Variants in IMMP2L observed in about 807,000 individuals in gnomAD.
IMMP2L encodes the protein mitochondrial inner membrane protease subunit 2.
A neutral mutation model predicts 19.3 loss-of-function variants in IMMP2L; 18 were observed. That is an observed-to-expected ratio of 0.93 (90% CI 0.64 to 1.38). The LOEUF (loss-of-function observed/expected upper bound fraction) is 1.38. IMMP2L is among the 40% of genes most tolerant of loss of function. The probability of loss-of-function intolerance (pLI) is 0.00; values close to 1 mark genes in which losing one functional copy is unlikely to be tolerated. For synonymous variants in IMMP2L, 76 were observed against 73.0 expected (o/e 1.04, Z -0.21); for missense variants, 233 against 218.2 (o/e 1.07, Z -0.43).
At chr7:111,373,134 T>C (rs1186533582) in intron 3 of IMMP2L, among the ~76,000 whole-genome samples, 6 of 147,102 alleles carry the variant, frequency 4.1e-5, no homozygotes, top group African/African-American at 7.4e-5. Flanking sequence ...AAAAAAAAAC[T>C]GTAGAGAGAA....
chr7:110,696,706 G>A (rs1023200813), intron 5 of IMMP2L, among the ~76,000 whole-genome samples: 1 of 152,106 alleles, frequency 6.6e-6, no homozygotes, highest in African/African-American at 2.4e-5. Context: ...GATTATAGGC[G>A]TGAGCCACTG....
chr7:111,523,043 C>T (rs370781219), intron 1 of IMMP2L, among the ~76,000 whole-genome samples: 24 of 151,292 alleles, frequency 1.6e-4, no homozygotes, highest in African/African-American at 4.6e-4. Flanking sequence ...CAATATTGCA[C>T]GACCACTCAT....
At chr7:111,442,881 G>A (rs1489412476) in intron 3 of IMMP2L, among the ~76,000 whole-genome samples, 1 of 151,778 alleles carries the variant, frequency 6.6e-6, no homozygotes, top group Non-Finnish European at 1.5e-5. Context: ...AATCCAAATT[G>A]AGCTGGTTTG....
At chr7:111,226,917 T>C (rs897323186) in intron 3 of IMMP2L, among the ~76,000 whole-genome samples, 5 of 151,972 alleles carry the variant, frequency 3.3e-5, no homozygotes, top group Non-Finnish European at 7.4e-5. Context: ...CATGAGCAAA[T>C]TTATTGTTCA....
intron 3 of IMMP2L, among the ~76,000 whole-genome samples, chr7:111,139,531 AT>A (rs1802669051): frequency 6.6e-6 from 1 of 152,154 alleles, no homozygotes; most frequent in African/African-American, 2.4e-5. Flanking sequence ...AAGGAAAGAG[AT>A]TTTTTAAAAA....
intron 3 of IMMP2L, among the ~76,000 whole-genome samples, chr7:111,051,540 T>G (rs1184438001): frequency 6.6e-6 from 1 of 152,214 alleles, no homozygotes; most frequent in Non-Finnish European, 1.5e-5. Flanking sequence ...GCTGCTTATG[T>G]CAGTTCAAAA....
At chr7:110,735,605 G>C (rs1796563238) in intron 5 of IMMP2L, among the ~76,000 whole-genome samples, 1 of 146,742 alleles carries the variant, frequency 6.8e-6, no homozygotes, top group Non-Finnish European at 1.5e-5. Context: ...GGACAGCCTG[G>C]GCAACATGGC....
chr7:111,129,330 C>A (rs1801625583), intron 3 of IMMP2L, among the ~76,000 whole-genome samples: 1 of 151,728 alleles, frequency 6.6e-6, no homozygotes, highest in South Asian at 2.1e-4. Flanking sequence ...TTTGATCCAA[C>A]CTTTTTCCTC....
chr7:111,261,730 G>C (rs1334406938), intron 3 of IMMP2L, among the ~76,000 whole-genome samples: 1 of 152,122 alleles, frequency 6.6e-6, no homozygotes, highest in Non-Finnish European at 1.5e-5. Flanking sequence ...TAGTTATTCA[G>C]ATGATTCAGA....
chr7:111,051,647 C>G (rs1198210894), intron 3 of IMMP2L, among the ~76,000 whole-genome samples: 2 of 151,964 alleles, frequency 1.3e-5, no homozygotes, highest in Non-Finnish European at 2.9e-5. Context: ...AAGTTGTTGT[C>G]TAAAAAAACA....
chr7:111,498,188 T>G lies in IMMP2L; in HGVS notation c.136-10847A>C, dbSNP rs564423884. Among the ~76,000 whole-genome samples, 121 of 152,248 alleles carry G rather than the reference T, an allele frequency of 7.9e-4. 1 individual carries two copies. Among genetic ancestry groups the G allele is most frequent in the African/African-American group, 2.6e-3 (109 of 41,578 alleles). ...TTGCAAGGTTCAAATCTGCAAAGTT[T>G]CTGTTTCAATGCACTAATTATAAAA... On this transcript the variant is annotated intron_variant, in intron 2 of 5. Coordinates refer to ENST00000405709, the MANE Select transcript of IMMP2L (RefSeq NM_032549.4).
intron 3 of IMMP2L, among the ~76,000 whole-genome samples, chr7:111,216,788 A>G (rs2129619785): frequency 6.6e-6 from 1 of 152,248 alleles, no homozygotes; most frequent in African/African-American, 2.4e-5. Context: ...CCATATAATC[A>G]AAAGAATAAC....
chr7:110,745,140 G>C (rs956858676), intron 5 of IMMP2L, among the ~76,000 whole-genome samples: 1 of 152,202 alleles, frequency 6.6e-6, no homozygotes, highest in Non-Finnish European at 1.5e-5. Flanking sequence ...TCAAGAGGAA[G>C]AAAGGATATC....
intron 5 of IMMP2L, among the ~76,000 whole-genome samples, chr7:110,739,365 G>T (rs1275212455): frequency 6.6e-6 from 1 of 152,038 alleles, no homozygotes; most frequent in Non-Finnish European, 1.5e-5. Context: ...TAAAGGGGCG[G>T]AAAAAGACAT....
At chr7:111,461,010 TTTTCCATGTTA>T (rs1840087734) in intron 3 of IMMP2L, among the ~76,000 whole-genome samples, 1 of 83,500 alleles carries the variant, frequency 1.2e-5, no homozygotes, top group Admixed American at 9.9e-5. Context: ...AGCATAATCT[TTTTCCATGTTA>T]CCATAAACTC....
At chr7:111,135,492 A>C (rs1201226926) in intron 3 of IMMP2L, among the ~76,000 whole-genome samples, 3 of 152,096 alleles carry the variant, frequency 2.0e-5, no homozygotes, top group Non-Finnish European at 2.9e-5. Flanking sequence ...ATCAATAAAG[A>C]TTTTTACTGT....
At chr7:111,168,727 A>G (rs541612755) in intron 3 of IMMP2L, among the ~76,000 whole-genome samples, 33 of 151,898 alleles carry the variant, frequency 2.2e-4, no homozygotes, top group Non-Finnish European at 4.0e-4. Context: ...TCCCTTCCCT[A>G]CATTCTTTCT....
At chr7:111,494,710 A>G (rs1171686187) in intron 2 of IMMP2L, among the ~76,000 whole-genome samples, 4 of 152,186 alleles carry the variant, frequency 2.6e-5, no homozygotes, top group Non-Finnish European at 1.5e-5. Context: ...TACAAGAATT[A>G]AATGAGACAG....
Position 110,787,796 on chromosome 7 carries a change from G to C in IMMP2L, c.408+98797C>G, listed in dbSNP as rs376377872. Reference sequence around the variant, plus strand: ...GATGGCAAAATCCTTGCCCTCATAGGGTTCACATTCTGATGCACTGATAAG... The same window carrying C: ...GATGGCAAAATCCTTGCCCTCATAGCGTTCACATTCTGATGCACTGATAAG... On this transcript the variant is annotated intron_variant, in intron 5 of 5. Coordinates refer to ENST00000405709, the MANE Select transcript of IMMP2L (RefSeq NM_032549.4). Among the ~76,000 whole-genome samples the C allele has an allele frequency of 5.3e-5, 8 of 151,872 alleles. No homozygotes were observed. The East Asian group carries it at 1.6e-3, about 30-fold the overall frequency.
Sources: gnomAD v4.1 joint callset for allele counts (sites outside exome capture counted in the v4.1 genomes callset) on GRCh38, gnomAD v4.1.1 for gene constraint, MANE v1.5 for transcripts, NCBI Gene and HGNC (gene_info 2026-07-23, HGNC 2026-07-21) for gene names.